CYP27C1: variants seen among roughly 807,000 people sequenced by gnomAD.
CYP27C1 encodes the protein cytochrome P450 family 27 subfamily C member 1.
CYP27C1 carries 29 observed loss-of-function variants against 40.6 expected under a neutral mutation model. The observed-to-expected ratio is 0.71, with a 90% CI of 0.53 to 0.97. CYP27C1 has a LOEUF of 0.97. Among genes scored for constraint, CYP27C1 ranks in the 50% least tolerant of loss-of-function variants. The pLI is 0.00. For missense variants in CYP27C1, 390 were observed against 485.8 expected (o/e 0.80, Z 1.85); for synonymous variants, 198 against 186.8 (o/e 1.06, Z -0.49).
In CYP27C1 at chr2:127,201,028, C is replaced by A; in HGVS notation, c.883+94G>T. ...ACACGTGACTACATCTAGGCATCCT[C>A]TGCTATGGTCACCCATTGTCTGGAT... On this transcript the variant is annotated intron_variant, in intron 4 of 8. Transcript: ENST00000664447. This position sits in a 1 kb window ranked among gnomAD's most constrained non-coding sequence, Gnocchi z 6.0. The A allele has an allele frequency of 1.6e-6, 2 of 1,261,072 alleles. No individual in the cohort carries two copies. The highest frequency in any genetic ancestry group is 1.1e-6 in the Non-Finnish European group (1 of 884,142). The allele number at this position is 1,261,072 out of a possible 1,614,324, so 78.1% of individuals were successfully genotyped here.
chr2:127,216,526 G>C (rs1375318007), intron 1 of CYP27C1, among the ~76,000 whole-genome samples: 1 of 152,182 alleles, frequency 6.6e-6, no homozygotes, highest in Non-Finnish European at 1.5e-5. Flanking sequence ...AAGTAGCTTG[G>C]TGGTTGCTTA....
intron 7 of CYP27C1, 148 bp from the exon 8 acceptor site, chr2:127,193,445 C>A: frequency 2.4e-6 from 2 of 845,380 alleles, no homozygotes; most frequent in African/African-American, 3.4e-5. Flanking sequence ...GGCAGCCGCT[C>A]CCCCCTTCCC....
rs1350887210 is a variant in CYP27C1 at position 127,219,752 on chromosome 2, A to C, written c.282+237T>G. ...CCCGCTCCCGGTTCCTGCCTCCTCC[A>C]CCCCGGATCGCCTTTCCGGCGTCCT... On this transcript the variant is annotated intron_variant, in intron 1 of 8. Coordinates refer to ENST00000664447, the MANE Select transcript of CYP27C1 (RefSeq NM_001367502.1). The surrounding 1 kb of genome is among the most constrained non-coding windows in gnomAD (Gnocchi z 8.7). Among the ~76,000 whole-genome samples the C allele has an allele frequency of 3.8e-4, 20 of 53,234 alleles. No individual in the cohort carries two copies. The highest frequency in any genetic ancestry group is 1.3e-3 in the South Asian group (2 of 1,596). 34.9% of individuals were successfully genotyped at this position (53,234 alleles called of 152,430 possible). A position where few individuals can be genotyped will look rare whatever the true frequency, so the allele number is the denominator to read the frequency against.
At position 127,218,735 on chromosome 2, in the gene CYP27C1, CAGA is replaced by C. The variant is rs925277412; in HGVS notation, c.282+1251_282+1253del. Among the ~76,000 whole-genome samples, 7 of 152,094 alleles carry C rather than the reference CAGA, an allele frequency of 4.6e-5. No homozygotes were observed. Among genetic ancestry groups the C allele is most frequent in the African/African-American group, 1.7e-4 (7 of 41,412 alleles). ...GGTCTCGAAAGACCGGAACTCTGGG[CAGA>C]AGGACAGGCCTGGGTGGGAGGAGAA... On this transcript the variant is annotated intron_variant, in intron 1 of 8. Transcript: ENST00000664447. This position sits in a 1 kb window ranked among gnomAD's most constrained non-coding sequence, Gnocchi z 6.0.
intron 2 of CYP27C1, among the ~76,000 whole-genome samples, chr2:127,204,509 GA>G (rs1683150569): frequency 1.6e-5 from 1 of 63,130 alleles, no homozygotes; most frequent in East Asian, 8.2e-4. Context: ...AGGAAGGAAA[GA>G]AAGAAGGAAA....
At chr2:127,189,635 A>AAG (rs200210635) in intron 8 of CYP27C1, among the ~76,000 whole-genome samples, 192 of 152,008 alleles carry the variant, frequency 1.3e-3, no homozygotes, top group African/African-American at 4.5e-3. Context: ...AAAAAAAAAA[A>AAG]AAAGAAAGGC....
intron 1 of CYP27C1, among the ~76,000 whole-genome samples, chr2:127,210,447 C>T (rs1275266205): frequency 6.6e-6 from 1 of 152,178 alleles, no homozygotes; most frequent in Admixed American, 6.5e-5. Flanking sequence ...GAAGAAACTG[C>T]ATCAACTAGT....
At chr2:127,213,145 C>T (rs373928096) in intron 1 of CYP27C1, among the ~76,000 whole-genome samples, 26 of 152,152 alleles carry the variant, frequency 1.7e-4, no homozygotes, top group Middle Eastern at 6.8e-3. Flanking sequence ...GAACTACAAA[C>T]CACTGCTCAA....
At chr2:127,203,639 C>A (rs1039505536) in intron 2 of CYP27C1, 68 bp from the exon 3 acceptor site, 2 of 1,519,050 alleles carry the variant, frequency 1.3e-6, no homozygotes, top group South Asian at 1.2e-5. Flanking sequence ...ATTCAAGGAA[C>A]CTCTAGAAAA....
chr2:127,198,218 C>T (rs1485650015), intron 5 of CYP27C1, among the ~76,000 whole-genome samples: 1 of 152,110 alleles, frequency 6.6e-6, no homozygotes, highest in African/African-American at 2.4e-5. Context: ...CACACACGCA[C>T]TCATCAACCA....
chr2:127,204,579 A>G (rs904716635), intron 2 of CYP27C1, among the ~76,000 whole-genome samples: 99 of 85,046 alleles, frequency 1.2e-3, no homozygotes, highest in African/African-American at 4.6e-3. Context: ...GAAAGAAAGA[A>G]AGAAAGAAAG....
intron 3 of CYP27C1, 92 bp downstream of exon 3, chr2:127,203,280 C>A: frequency 4.2e-6 from 6 of 1,439,842 alleles, no homozygotes; most frequent in Non-Finnish European, 5.7e-6. Context: ...TAGCACACTG[C>A]CTGGGACCCA....
chr2:127,193,940 G>T, intron 6 of CYP27C1, 73 bp from the exon 7 acceptor site: 2 of 1,489,462 alleles, frequency 1.3e-6, no homozygotes, highest in African/African-American at 1.4e-5. Flanking sequence ...TCAGAACCCT[G>T]GATATATTCC....
At chr2:127,193,589 G>C (rs886483925) in intron 7 of CYP27C1, among the ~76,000 whole-genome samples, 200 bp downstream of exon 7, 1 of 152,186 alleles carries the variant, frequency 6.6e-6, no homozygotes, top group African/African-American at 2.4e-5. Flanking sequence ...CCTTGCTGGT[G>C]AGCAGTAAGT....
intron 7 of CYP27C1, 86 bp from the exon 8 acceptor site, chr2:127,193,383 C>T (rs1433243107): frequency 7.1e-6 from 11 of 1,544,160 alleles, no homozygotes; most frequent in Non-Finnish European, 9.7e-6. Context: ...GCCGGACAGT[C>T]TCCCGGGGTG....
At chr2:127,217,714 C>A (rs1476428176) in intron 1 of CYP27C1, among the ~76,000 whole-genome samples, 3 of 152,246 alleles carry the variant, frequency 2.0e-5, no homozygotes, top group African/African-American at 7.2e-5. Context: ...AACCACCCAA[C>A]TCTTTCCATC....
Sources: gnomAD v4.1 joint callset for allele counts (sites outside exome capture counted in the v4.1 genomes callset) on GRCh38, gnomAD v4.1.1 for gene constraint, Gnocchi (gnomAD v3.1) non-coding constraint, MANE v1.5 for transcripts, NCBI Gene and HGNC (gene_info 2026-07-23, HGNC 2026-07-21) for gene names.